AKAP13: variants seen among roughly 807,000 people sequenced by gnomAD.
AKAP13 encodes the protein A-kinase anchor protein 13.
AKAP13 carries 80 observed loss-of-function variants against 264.5 expected under a neutral mutation model. That is an observed-to-expected ratio of 0.30 (90% CI 0.25 to 0.36). The LOEUF is 0.36. Ranked by LOEUF, AKAP13 falls within the 10% of genes least tolerant of loss-of-function variation. The pLI, the probability that AKAP13 is intolerant of heterozygous loss-of-function variation, is 1.00. For synonymous variants in AKAP13, 1,380 were observed against 1,250.2 expected (o/e 1.10, Z -2.19); for missense variants, 3,712 against 3,435.2 (o/e 1.08, Z -2.01).
At chr15:85,736,048 C>T (rs750900036) in intron 32 of AKAP13, 42 bp from the exon 33 acceptor site, 3 of 1,465,778 alleles carry the variant, frequency 2.0e-6, no homozygotes, top group African/African-American at 1.4e-5. Context: ...ATTTTTGCAT[C>T]AAGATCTTCA....
intron 1 of AKAP13, among the ~76,000 whole-genome samples, chr15:85,467,358 C>T (rs2074782344): frequency 6.6e-6 from 1 of 152,138 alleles, no homozygotes. Context: ...CCCTCCTTCC[C>T]ACCTTTCCGC....
At chr15:85,647,703 T>C (rs765220373) in intron 10 of AKAP13, among the ~76,000 whole-genome samples, 6 of 152,184 alleles carry the variant, frequency 3.9e-5, no homozygotes, top group Non-Finnish European at 8.8e-5. Context: ...CCCAGTACTT[T>C]GGGAGGCTGA....
At chr15:85,613,701 TATATATATATATTA>T (rs2080799461) in intron 8 of AKAP13, among the ~76,000 whole-genome samples, 1 of 123,576 alleles carries the variant, frequency 8.1e-6, no homozygotes, top group Non-Finnish European at 1.8e-5. Flanking sequence ...AATATATATA[TATATATATATATTA>T]GGAGTGCTGA....
chr15:85,525,547 C>G (rs1195988796), intron 3 of AKAP13, among the ~76,000 whole-genome samples: 2 of 152,204 alleles, frequency 1.3e-5, no homozygotes. Context: ...ATGAAAGTGG[C>G]TAGTTCAAGA....
chr15:85,566,927 C>T (rs1310144858), intron 5 of AKAP13, among the ~76,000 whole-genome samples: 6 of 151,726 alleles, frequency 4.0e-5, no homozygotes, highest in South Asian at 2.1e-4. Flanking sequence ...TGTGCCTGAC[C>T]GGAAATGACT....
chr15:85,741,006 C>A (rs755886651), intron 34 of AKAP13, 40 bp from the exon 35 acceptor site: 2 of 1,565,204 alleles, frequency 1.3e-6, no homozygotes, highest in South Asian at 2.4e-5. Flanking sequence ...CGCTGTCGTC[C>A]TGGCCAGAGT....
intron 5 of AKAP13, among the ~76,000 whole-genome samples, chr15:85,553,569 C>G (rs544057560): frequency 2.3e-4 from 35 of 152,330 alleles, no homozygotes; most frequent in Non-Finnish European, 1.3e-4. Flanking sequence ...TTAACAGTTT[C>G]TATAGTCACT....
intron 30 of AKAP13, among the ~76,000 whole-genome samples, chr15:85,732,080 CAAA>C (rs34426976): frequency 1.8e-4 from 21 of 114,558 alleles, no homozygotes; most frequent in Non-Finnish European, 1.7e-4. Context: ...GAGACTATCT[CAAA>C]AAAAAAAAAA....
chr15:85,650,865 C>G (rs748942894), intron 10 of AKAP13, among the ~76,000 whole-genome samples: 1 of 148,004 alleles, frequency 6.8e-6, no homozygotes, highest in Admixed American at 6.9e-5. Context: ...AGTGGTAATG[C>G]TTGTAATCAG....
intron 2 of AKAP13, among the ~76,000 whole-genome samples, chr15:85,507,268 A>ATATT (rs1385531604): frequency 6.6e-6 from 1 of 152,144 alleles, no homozygotes; most frequent in African/African-American, 2.4e-5. Context: ...AGTGGTTGGC[A>ATATT]AGCTACAGCC....
intron 8 of AKAP13, among the ~76,000 whole-genome samples, chr15:85,636,753 T>C (rs891573828): frequency 4.6e-5 from 7 of 152,152 alleles, no homozygotes; most frequent in African/African-American, 1.7e-4. Flanking sequence ...TAGCTGGGAT[T>C]ACAGAGACCC....
At chr15:85,419,272 G>A (rs1350104823) in intron 1 of AKAP13, among the ~76,000 whole-genome samples, 1 of 152,100 alleles carries the variant, frequency 6.6e-6, no homozygotes, top group Non-Finnish European at 1.5e-5. Flanking sequence ...TTTAATTATG[G>A]CAGCCTCAGG....
chr15:85,524,188 C>A (rs2151164503), intron 3 of AKAP13, among the ~76,000 whole-genome samples: 1 of 102,000 alleles, frequency 9.8e-6, no homozygotes, highest in Non-Finnish European at 1.8e-5. Context: ...TCCCCCACCC[C>A]CCACCCCAAG....
intron 1 of AKAP13, among the ~76,000 whole-genome samples, chr15:85,413,700 C>T (rs190838687): frequency 2.6e-5 from 4 of 152,262 alleles, no homozygotes; most frequent in East Asian, 1.9e-4. Flanking sequence ...ACGGTGAGAT[C>T]GCAGTGTGTT....
At chr15:85,577,160 A>G (rs1011786255) in intron 6 of AKAP13, among the ~76,000 whole-genome samples, 1 of 152,228 alleles carries the variant, frequency 6.6e-6, no homozygotes, top group Admixed American at 6.5e-5. Flanking sequence ...CAAGCATGAC[A>G]CATTTTACAC....
rs76353123 is a variant in AKAP13, at chr15:85,705,814, T to C, written c.5465-2205T>C. Among the ~76,000 whole-genome samples, 621 of 137,904 alleles carry C rather than the reference T, an allele frequency of 4.5e-3. 2 individuals are homozygous for C. Among genetic ancestry groups the C allele is most frequent in the African/African-American group, 0.015 (535 of 35,616 alleles). 90.5% of individuals were successfully genotyped at this position (137,904 alleles called of 152,430 possible). On this transcript the variant is annotated intron_variant, in intron 17 of 36. Transcript: ENST00000394518. ...TCCCTGCCCCATGCATCTTCCTTCC[T>C]CCCCAAGGACAAGGACTGTCATGAA...
At chr15:85,546,838 G>T (rs1005433506) in intron 5 of AKAP13, among the ~76,000 whole-genome samples, 1 of 151,642 alleles carries the variant, frequency 6.6e-6, no homozygotes, top group African/African-American at 2.4e-5. Flanking sequence ...CTGCCTCCCA[G>T]GCTCAAGCAA....
At chr15:85,714,722 A>T (rs1391279546) in intron 19 of AKAP13, among the ~76,000 whole-genome samples, 2 of 152,146 alleles carry the variant, frequency 1.3e-5, no homozygotes, top group Non-Finnish European at 2.9e-5. Flanking sequence ...TAATCCCAGC[A>T]CTTTGGGAGG....
At chr15:85,578,275 G>A (rs942366318) in intron 6 of AKAP13, among the ~76,000 whole-genome samples, 2 of 152,180 alleles carry the variant, frequency 1.3e-5, no homozygotes, top group African/African-American at 4.8e-5. Context: ...GAATGAGAGA[G>A]CCCACCTTAA....
Sources: gnomAD v4.1 joint callset for allele counts (sites outside exome capture counted in the v4.1 genomes callset) on GRCh38, gnomAD v4.1.1 for gene constraint, MANE v1.5 for transcripts, NCBI Gene and HGNC (gene_info 2026-07-23, HGNC 2026-07-21) for gene names.